ALK: variants seen among roughly 807,000 people sequenced by gnomAD.
The protein encoded by ALK is ALK tyrosine kinase receptor.
Under a neutral mutation model 163.1 loss-of-function variants are expected in ALK, and 74 were observed. That is an observed-to-expected ratio of 0.45 (90% CI 0.38 to 0.55). ALK has a LOEUF of 0.55. Among genes scored for constraint, ALK ranks in the 20% least tolerant of loss-of-function variants. The pLI, the probability that ALK is intolerant of heterozygous loss-of-function variation, is 0.00. For synonymous variants in ALK, 960 were observed against 843.2 expected (o/e 1.14, Z -2.40); for missense variants, 2,063 against 2,105.3 (o/e 0.98, Z 0.39).
At chr2:29,894,694 A>C (rs1330816384) in intron 1 of ALK, among the ~76,000 whole-genome samples, 1 of 152,130 alleles carries the variant, frequency 6.6e-6, no homozygotes, top group Non-Finnish European at 1.5e-5. Flanking sequence ...TCATTCTATT[A>C]ATGTTTCATT....
chr2:29,712,622 T>A (rs1443574446), intron 2 of ALK, among the ~76,000 whole-genome samples: 1 of 152,174 alleles, frequency 6.6e-6, no homozygotes, highest in Non-Finnish European at 1.5e-5. Context: ...GGCTGATTTT[T>A]TTTTTTTGAG....
At chr2:29,283,640 G>C (rs1665770865) in intron 9 of ALK, among the ~76,000 whole-genome samples, 1 of 152,052 alleles carries the variant, frequency 6.6e-6, no homozygotes, top group Non-Finnish European at 1.5e-5. Flanking sequence ...AGTGAAGACT[G>C]GGTCTATATA....
At chr2:29,413,358 T>G (rs1392333896) in intron 4 of ALK, among the ~76,000 whole-genome samples, 3 of 152,088 alleles carry the variant, frequency 2.0e-5, no homozygotes, top group Non-Finnish European at 4.4e-5. Flanking sequence ...TTATCTTTTT[T>G]TTTTTTGAGA....
At chr2:29,794,727 T>A (rs971082522) in intron 1 of ALK, among the ~76,000 whole-genome samples, 1 of 152,150 alleles carries the variant, frequency 6.6e-6, no homozygotes, top group African/African-American at 2.4e-5. Flanking sequence ...ACACAATTAT[T>A]GAATAACTTC....
intron 1 of ALK, among the ~76,000 whole-genome samples, chr2:29,826,356 A>C (rs1482363498): frequency 2.6e-5 from 4 of 152,006 alleles, no homozygotes; most frequent in Non-Finnish European, 5.9e-5. Flanking sequence ...GGCTTGATCT[A>C]TCATGGGCTT....
chr2:29,572,517 C>A (rs1215474398), intron 3 of ALK, among the ~76,000 whole-genome samples: 2 of 152,068 alleles, frequency 1.3e-5, no homozygotes, highest in Admixed American at 6.5e-5. Context: ...GCCTGGTATG[C>A]CCCCCTGACC....
At position 29,223,421 on chromosome 2, in the gene ALK, G is replaced by A. The variant is rs2148170886; in HGVS notation, c.3280C>T (p.Pro1094Ser). ...RTSTIMTDYN[P>S]NYCFAGKTSS... ...GTCTTGCCAGCAAAGCAGTAGTTGG[G>A]GTTGTAGTCGGTCATGATGGTCGAG... is the stretch of plus-strand genomic sequence containing the variant. The change falls in exon 20 of 29, where the codon CCC (proline) becomes TCC (serine). Residue 1094 changes from proline (P) to serine (S), a missense_variant. Physicochemically the swap from Pro to Ser is moderately conservative, Grantham distance 74. Around this residue, in one of 5 missense-constraint regions of ALK, gnomAD observed 575 missense variants for 626.6 expected, o/e 0.92. Transcript: ENST00000389048. The A allele has an allele frequency of 6.2e-7, 1 of 1,614,214 alleles. No individual in the cohort carries two copies. The highest frequency in any genetic ancestry group is 1.1e-5 in the South Asian group (1 of 91,086).
chr2:29,655,662 T>C (rs1327489985), intron 3 of ALK, among the ~76,000 whole-genome samples: 2 of 152,152 alleles, frequency 1.3e-5, no homozygotes, highest in Admixed American at 6.6e-5. Context: ...CTTGGAGTTG[T>C]AAGGTCTCAG....
chr2:29,409,055 C>T (rs2148320756), intron 4 of ALK, among the ~76,000 whole-genome samples: 1 of 152,288 alleles, frequency 6.6e-6, no homozygotes, highest in East Asian at 1.9e-4. Context: ...ACTTTGCATC[C>T]TGGAGACAAT....
chr2:29,481,923 A>G (rs891937405), intron 4 of ALK, among the ~76,000 whole-genome samples: 2 of 152,208 alleles, frequency 1.3e-5, no homozygotes, highest in African/African-American at 4.8e-5. Flanking sequence ...TCTTCCCACA[A>G]AGAAAGAAGG....
At position 29,214,085 on chromosome 2, in the gene ALK, T is replaced by TG; in HGVS notation, c.3646-5dup. The TG allele has an allele frequency of 6.2e-7, 1 of 1,613,392 alleles. No homozygotes were observed. The highest frequency in any genetic ancestry group is 1.1e-5 in the South Asian group (1 of 91,030). ...TGGCCAGGGAGGAGGGCTGGCTCTG[T>TG]GGGGAGACAGAAGCGGGCCACTGAC... On this transcript the variant is annotated splice_region_variant and splice_polypyrimidine_tract_variant and intron_variant, in intron 23 of 28. Coordinates refer to ENST00000389048, the MANE Select transcript of ALK (RefSeq NM_004304.5).
At chr2:29,398,209 T>C (rs760522293) in intron 4 of ALK, among the ~76,000 whole-genome samples, 2 of 152,168 alleles carry the variant, frequency 1.3e-5, no homozygotes, top group African/African-American at 2.4e-5. Context: ...TTCTCATTTC[T>C]CTCAGACTTT....
chr2:29,541,556 G>A (rs1000902062), intron 3 of ALK, among the ~76,000 whole-genome samples: 2 of 152,194 alleles, frequency 1.3e-5, no homozygotes, highest in Non-Finnish European at 2.9e-5. Flanking sequence ...TTCCCAAAGT[G>A]CTGGGATTAC....
At chr2:29,458,295 T>C (rs183911816) in intron 4 of ALK, among the ~76,000 whole-genome samples, 8 of 152,260 alleles carry the variant, frequency 5.3e-5, no homozygotes, top group Admixed American at 3.3e-4. Flanking sequence ...ACTTGATTAA[T>C]TTGCTTCAAA....
chr2:29,428,111 T>C (rs1048270636), intron 4 of ALK, among the ~76,000 whole-genome samples: 12 of 151,886 alleles, frequency 7.9e-5, no homozygotes, highest in Non-Finnish European at 1.6e-4. Flanking sequence ...CCAAAACATA[T>C]GGTAAGCAGC....
intron 24 of ALK, among the ~76,000 whole-genome samples, chr2:29,210,578 A>G (rs975166069): frequency 6.6e-6 from 1 of 152,128 alleles, no homozygotes; most frequent in African/African-American, 2.4e-5. Flanking sequence ...GGTTACAGGC[A>G]TGCAGCACCA....
At chr2:29,735,547 T>C (rs1445592920) in intron 1 of ALK, among the ~76,000 whole-genome samples, 3 of 152,070 alleles carry the variant, frequency 2.0e-5, no homozygotes, top group Non-Finnish European at 4.4e-5. Context: ...ACTTGAATTA[T>C]CTCACCTATT....
chr2:29,597,480 C>A (rs933331391), intron 3 of ALK, among the ~76,000 whole-genome samples: 1 of 152,170 alleles, frequency 6.6e-6, no homozygotes, highest in African/African-American at 2.4e-5. Context: ...CCACAAAGCC[C>A]AGTGCCCTTT....
At chr2:29,494,494 A>T (rs1271856923) in intron 4 of ALK, among the ~76,000 whole-genome samples, 1 of 152,128 alleles carries the variant, frequency 6.6e-6, no homozygotes, top group African/African-American at 2.4e-5. Flanking sequence ...GAGGGCCATG[A>T]TCCTATGAGA....
Sources: allele counts gnomAD v4.1 joint callset (sites outside exome capture counted in the v4.1 genomes callset), GRCh38; gene constraint gnomAD v4.1.1; regional missense constraint gnomAD v4.1.1; transcripts MANE v1.5; gene names NCBI Gene and HGNC (gene_info 2026-07-23, HGNC 2026-07-21).